PAMR1: variants seen among roughly 807,000 people sequenced by gnomAD.
PAMR1 encodes peptidase domain containing associated with muscle regeneration 1.
A neutral mutation model predicts 81.8 loss-of-function variants in PAMR1; 88 were observed. The ratio of observed to expected loss-of-function variants is 1.08; its 90% CI spans 0.91 to 1.28. PAMR1 has a LOEUF of 1.28. Ranked by LOEUF, PAMR1 falls within the 50% of genes most tolerant of loss-of-function variation. The pLI is 0.00. For missense variants in PAMR1, 935 were observed against 919.7 expected, an observed-to-expected ratio of 1.02 and a Z score of -0.21; for synonymous variants, 336 against 345.3, an observed-to-expected ratio of 0.97 and a Z score of 0.30.
Position 35,517,552 on chromosome 11 carries a change from A to C in PAMR1, c.73+7961T>G, listed in dbSNP as rs151245697. ...AAGACAAAAAGAGGCTCTGTGGTCA[A>C]ACAACTTTGTGAAATATTTCATTAT... On this transcript the variant is annotated intron_variant, in intron 1 of 10. Coordinates refer to ENST00000619888, the MANE Select transcript of PAMR1 (RefSeq NM_001001991.3). Among the ~76,000 whole-genome samples the C allele has an allele frequency of 2.4e-3, 359 of 152,364 alleles. 2 individuals carry two copies. Among genetic ancestry groups the C allele is most frequent in the African/African-American group, 8.0e-3 (333 of 41,590 alleles).
At chr11:35,509,420 A>T (rs1429182131) in intron 1 of PAMR1, among the ~76,000 whole-genome samples, 1 of 152,210 alleles carries the variant, frequency 6.6e-6, no homozygotes, top group African/African-American at 2.4e-5. Flanking sequence ...ATTTCAGGGA[A>T]TTTCAATGTG....
At chr11:35,511,886 C>T (rs1411875960) in intron 1 of PAMR1, among the ~76,000 whole-genome samples, 2 of 152,130 alleles carry the variant, frequency 1.3e-5, no homozygotes, top group Non-Finnish European at 1.5e-5. Context: ...GACTGTGAGT[C>T]AGAGGCGACA....
intron 6 of PAMR1, among the ~76,000 whole-genome samples, chr11:35,452,331 T>C (rs1275216247): frequency 6.6e-6 from 1 of 151,678 alleles, no homozygotes; most frequent in East Asian, 1.9e-4. Context: ...GACAAAAAGA[T>C]TTAAAATACA....
chr11:35,482,824 T>C (rs988085809), intron 3 of PAMR1, among the ~76,000 whole-genome samples: 13 of 152,216 alleles, frequency 8.5e-5, no homozygotes, highest in African/African-American at 3.1e-4. Context: ...ATTCATGACT[T>C]GGCTCTCTGC....
intron 6 of PAMR1, among the ~76,000 whole-genome samples, chr11:35,460,101 C>T (rs1856620600): frequency 6.6e-6 from 1 of 152,226 alleles, no homozygotes; most frequent in East Asian, 1.9e-4. Context: ...CTTTCATTTT[C>T]TGACACAGGA....
At position 35,487,009 on chromosome 11, in the gene PAMR1, C is replaced by T. The variant is rs1193331129; in HGVS notation, c.379+5036G>A. On this transcript the variant is annotated intron_variant, in intron 3 of 10. Coordinates refer to ENST00000619888, the MANE Select transcript of PAMR1 (RefSeq NM_001001991.3). The stretch of plus-strand genomic sequence containing the variant: ...GATGTGCGCAGAGGCCTTATGTGCA[C>T]CTGTGTGTTTGGCTTGACCTCTTGT... 2.0e-5 allele frequency among the ~76,000 whole-genome samples: 3 copies of T among 152,062 alleles called. No homozygotes were observed. In the East Asian group the frequency reaches 5.8e-4, roughly 29 times the overall value.
rs1856654272 is a variant in PAMR1, at chr11:35,461,533, A to G, written c.820+6468T>C. 2.0e-5 allele frequency among the ~76,000 whole-genome samples: 3 copies of G among 152,052 alleles called. No homozygotes were observed. In the South Asian group the frequency reaches 6.2e-4, roughly 32 times the overall value. ...GGAGCCCAGGATAGTTCATACTAAG[A>G]TGTCACTTGGGCTAGGTAGACCCAA... On this transcript the variant is annotated intron_variant, in intron 6 of 10. Transcript: ENST00000619888.
intron 1 of PAMR1, among the ~76,000 whole-genome samples, chr11:35,499,261 T>C (rs2676462): frequency 0.77 from 116,078 of 151,610 alleles, 44,827 homozygotes; most frequent in Middle Eastern, 0.81. Flanking sequence ...CCAGGTGGCC[T>C]GCCTTGGGTT....
At chr11:35,522,468 T>C (rs1851303708) in intron 1 of PAMR1, among the ~76,000 whole-genome samples, 1 of 152,228 alleles carries the variant, frequency 6.6e-6, no homozygotes. Flanking sequence ...TTTTTGTGTC[T>C]GGCTTCTTTC....
At chr11:35,450,257 C>T (rs1163741304) in intron 6 of PAMR1, among the ~76,000 whole-genome samples, 2 of 151,770 alleles carry the variant, frequency 1.3e-5, no homozygotes, top group Non-Finnish European at 2.9e-5. Flanking sequence ...GCCAAATCAC[C>T]GGTTTGTCCA....
At chr11:35,484,542 A>G (rs1850463143) in intron 3 of PAMR1, among the ~76,000 whole-genome samples, 1 of 152,150 alleles carries the variant, frequency 6.6e-6, no homozygotes, top group Admixed American at 6.5e-5. Context: ...AATCATTCCT[A>G]CTTATGGCTC....
intron 1 of PAMR1, among the ~76,000 whole-genome samples, chr11:35,516,827 G>A (rs879214457): frequency 1.3e-5 from 2 of 152,140 alleles, no homozygotes; most frequent in Admixed American, 1.3e-4. Context: ...TTACATTATA[G>A]TCAAATGTTT....
Position 35,432,349 on chromosome 11 carries a change from G to T in PAMR1, c.*7C>A. ...GAAACACTTCTCAAGGAGTGCATGA[G>T]CATGGTTCATTTCATATTTCTTTCA... On this transcript the variant is annotated 3_prime_UTR_variant, in exon 11 of 11. Coordinates refer to ENST00000619888, the MANE Select transcript of PAMR1 (RefSeq NM_001001991.3). The T allele has an allele frequency of 6.2e-7, 1 of 1,605,990 alleles. No individual in the cohort carries two copies. Among genetic ancestry groups the T allele is most frequent in the Non-Finnish European group, 8.5e-7 (1 of 1,178,312 alleles).
intron 6 of PAMR1, among the ~76,000 whole-genome samples, chr11:35,460,750 G>A (rs1481570631): frequency 2.0e-5 from 3 of 152,026 alleles, no homozygotes; most frequent in African/African-American, 7.3e-5. Context: ...TTGGTTCCAA[G>A]TCTTTGCTAT....
chr11:35,478,193 C>A (rs553374978), intron 3 of PAMR1, among the ~76,000 whole-genome samples: 1 of 152,120 alleles, frequency 6.6e-6, no homozygotes, highest in Non-Finnish European at 1.5e-5. Flanking sequence ...CAAGGGAAGG[C>A]GGTGCTCATC....
intron 6 of PAMR1, among the ~76,000 whole-genome samples, chr11:35,465,872 C>T (rs1856746522): frequency 6.6e-6 from 1 of 152,292 alleles, no homozygotes; most frequent in East Asian, 1.9e-4. Context: ...TTCATAGTGA[C>T]ATATTTTACA....
intron 6 of PAMR1, among the ~76,000 whole-genome samples, chr11:35,451,158 T>C (rs1261605786): frequency 2.0e-5 from 3 of 152,232 alleles, no homozygotes; most frequent in African/African-American, 4.8e-5. Flanking sequence ...AGTGCTTTCA[T>C]GGTCCACTAG....
chr11:35,443,833 G>A (rs1464977044), intron 6 of PAMR1, among the ~76,000 whole-genome samples: 1 of 152,198 alleles, frequency 6.6e-6, no homozygotes, highest in Non-Finnish European at 1.5e-5. Context: ...GTGTAAAAGT[G>A]TTCCTATTTC....
At chr11:35,488,365 T>G (rs1000672194) in intron 3 of PAMR1, among the ~76,000 whole-genome samples, 1 of 151,982 alleles carries the variant, frequency 6.6e-6, no homozygotes, top group Non-Finnish European at 1.5e-5. Flanking sequence ...ACTACAGGCA[T>G]GCACCACCAT....
Sources: allele counts gnomAD v4.1 joint callset (sites outside exome capture counted in the v4.1 genomes callset), GRCh38; gene constraint gnomAD v4.1.1; transcripts MANE v1.5; gene names NCBI Gene and HGNC (gene_info 2026-07-23, HGNC 2026-07-21).